Variants in SSBP3 observed in about 807,000 individuals in gnomAD.
The protein encoded by SSBP3 is single-stranded DNA-binding protein 3.
SSBP3 carries 5 observed loss-of-function variants against 69.6 expected under a neutral mutation model. That is an observed-to-expected ratio of 0.07 (90% confidence interval 0.04 to 0.15). SSBP3 has a LOEUF of 0.15. Among genes scored for constraint, SSBP3 ranks in the 10% least tolerant of loss-of-function variants. The pLI is 1.00. For missense variants in SSBP3, 312 were observed against 534.0 expected (o/e 0.58, Z 4.10); for synonymous variants, 196 against 193.4 (o/e 1.01, Z -0.11).
At chr1:54,288,187 G>A (rs556277818) in intron 4 of SSBP3, among the ~76,000 whole-genome samples, 3 of 152,276 alleles carry the variant, frequency 2.0e-5, no homozygotes, top group South Asian at 2.1e-4. Flanking sequence ...ACCCACCACC[G>A]CCTGGGCCTG....
chr1:54,395,034 G>A (rs1648766904), intron 4 of SSBP3, among the ~76,000 whole-genome samples: 1 of 150,960 alleles, frequency 6.6e-6, no homozygotes, highest in African/African-American at 2.4e-5. Context: ...ATTGTATGTG[G>A]GAATCGCCTT....
intron 4 of SSBP3, among the ~76,000 whole-genome samples, chr1:54,289,874 C>G (rs955289523): frequency 2.0e-5 from 3 of 152,126 alleles, no homozygotes; most frequent in Admixed American, 2.0e-4. Flanking sequence ...GGCTCCCCCA[C>G]AGGCGAGGAG....
At chr1:54,296,485 G>A (rs912506907) in intron 4 of SSBP3, among the ~76,000 whole-genome samples, 5 of 152,206 alleles carry the variant, frequency 3.3e-5, no homozygotes, top group African/African-American at 9.7e-5. Flanking sequence ...TGGGCCTTCG[G>A]TAACTTTGAA....
rs372482602 is a variant in SSBP3, at chr1:54,233,422, G to A, written c.928-4596C>T. Among the ~76,000 whole-genome samples the A allele has an allele frequency of 1.9e-3, 290 of 150,412 alleles. 4 individuals are homozygous for A. The South Asian group carries it at 0.026, about 14-fold the overall frequency. Reference sequence around the variant, plus strand: ...TGAGAAGTGAGGAGCCTCTCCGCCCGGCAGCCACCCCATCTGGGAAGTGAG... The same window carrying A: ...TGAGAAGTGAGGAGCCTCTCCGCCCAGCAGCCACCCCATCTGGGAAGTGAG... On this transcript the variant is annotated intron_variant, in intron 14 of 17. Coordinates refer to ENST00000610401, the Ensembl canonical transcript of SSBP3.
At chr1:54,330,205 C>T (rs1011145351) in intron 4 of SSBP3, among the ~76,000 whole-genome samples, 1 of 152,040 alleles carries the variant, frequency 6.6e-6, no homozygotes, top group Non-Finnish European at 1.5e-5. Context: ...CTGGGCCAAA[C>T]TGAAAAAAAC....
At chr1:54,318,143 T>A (rs563707506) in intron 4 of SSBP3, among the ~76,000 whole-genome samples, 2 of 152,264 alleles carry the variant, frequency 1.3e-5, no homozygotes, top group African/African-American at 4.8e-5. Context: ...GTAAAGACTT[T>A]GAACCAAGGC....
At chr1:54,231,842 G>A (rs139941372) in intron 14 of SSBP3, among the ~76,000 whole-genome samples, 2,848 of 152,126 alleles carry the variant, frequency 0.019, 48 homozygotes, top group East Asian at 0.07. Flanking sequence ...CTACAGGTGC[G>A]CGCCACCACA....
intron 4 of SSBP3, among the ~76,000 whole-genome samples, chr1:54,292,076 T>C (rs894805580): frequency 1.3e-5 from 2 of 152,242 alleles, no homozygotes; most frequent in African/African-American, 4.8e-5. Flanking sequence ...TCCAGTGCTC[T>C]AGGAAGCCAA....
intron 4 of SSBP3, among the ~76,000 whole-genome samples, chr1:54,360,950 G>C (rs1056149804): frequency 2.0e-5 from 3 of 151,824 alleles, no homozygotes; most frequent in African/African-American, 7.3e-5. Context: ...GCCAGATGTG[G>C]CAAGGGGTAC....
chr1:54,404,809 G>GT (rs1491348353), intron 2 of SSBP3, 49 bp downstream of exon 2: 8 of 225,520 alleles, frequency 3.5e-5, no homozygotes, highest in Admixed American at 1.1e-4. Flanking sequence ...TAAGAATAGT[G>GT]GGGGGGGGGG....
At chr1:54,232,905 T>C (rs1443841951) in intron 14 of SSBP3, among the ~76,000 whole-genome samples, 2 of 152,072 alleles carry the variant, frequency 1.3e-5, no homozygotes, top group South Asian at 4.1e-4. Flanking sequence ...CAGGCTGGAG[T>C]GCAGTGGCGT....
At chr1:54,404,486 G>A in intron 3 of SSBP3, 90 bp downstream of exon 3, 1 of 1,506,408 alleles carries the variant, frequency 6.6e-7, no homozygotes, top group Non-Finnish European at 9.2e-7. Flanking sequence ...ACAGGGCGGA[G>A]GGCCTGCTCC....
At position 54,258,502 on chromosome 1, in the gene SSBP3, C is replaced by G. The variant is rs1396231815; in HGVS notation, c.367-353G>C. Among the ~76,000 whole-genome samples the G allele has an allele frequency of 6.6e-6, 1 of 152,158 alleles. No individual in the cohort carries two copies. Among genetic ancestry groups the G allele is most frequent in the Non-Finnish European group, 1.5e-5 (1 of 68,028 alleles). On this transcript the variant is annotated intron_variant, in intron 5 of 17. Coordinates refer to ENST00000610401, the Ensembl canonical transcript of SSBP3. This position sits in a 1 kb window ranked among gnomAD's most constrained non-coding sequence, Gnocchi z 4.5. ...GGTTGAGACGGGCTCAGAGGGAGTA[C>G]AATGATGCACAGACACAGGGACCCA...
chr1:54,349,293 C>T lies in SSBP3; in HGVS notation c.276+52568G>A, dbSNP rs796523594. ...CAAGGTAGGCAGGGATATTCCTCTGCTGTTCCCTGCGGCATTCCCAGCACC... is the reference window on the plus strand; with the variant it reads ...CAAGGTAGGCAGGGATATTCCTCTGTTGTTCCCTGCGGCATTCCCAGCACC... On this transcript the variant is annotated intron_variant, in intron 4 of 17. Coordinates refer to ENST00000610401, the Ensembl canonical transcript of SSBP3. 2.3e-4 allele frequency among the ~76,000 whole-genome samples: 35 copies of T among 152,360 alleles called. 1 individual carries two copies. Among genetic ancestry groups the T allele is most frequent in the African/African-American group, 8.2e-4 (34 of 41,584 alleles).
At chr1:54,289,033 A>AC (rs1645550693) in intron 4 of SSBP3, among the ~76,000 whole-genome samples, 2 of 53,338 alleles carry the variant, frequency 3.7e-5, no homozygotes, top group Non-Finnish European at 7.8e-5. Context: ...AAAAAAAAAA[A>AC]AAACAAAAAA....
At chr1:54,383,035 A>AGAAAGAAAGAGAAGGAAGGAAG (rs1275086688) in intron 4 of SSBP3, among the ~76,000 whole-genome samples, 1 of 150,414 alleles carries the variant, frequency 6.6e-6, no homozygotes, top group Non-Finnish European at 1.5e-5. Flanking sequence ...AAGAAAAGAA[A>AGAAAGAAAGAGAAGGAAGGAAG]GAAAGAAAGA....
intron 3 of SSBP3, 22 bp downstream of exon 3, chr1:54,404,554 C>G: frequency 1.9e-6 from 3 of 1,612,688 alleles, no homozygotes; most frequent in Non-Finnish European, 2.5e-6. Flanking sequence ...AACACACATG[C>G]AAAACTATCA....
At chr1:54,311,883 T>C (rs1441504090) in intron 4 of SSBP3, among the ~76,000 whole-genome samples, 6 of 152,154 alleles carry the variant, frequency 3.9e-5, no homozygotes, top group African/African-American at 1.4e-4. Flanking sequence ...TGGGGACTCC[T>C]TGACCATCTA....
intron 13 of SSBP3, among the ~76,000 whole-genome samples, chr1:54,240,382 T>C (rs9792848): frequency 0.64 from 94,743 of 146,900 alleles, 31,291 homozygotes; most frequent in African/African-American, 0.79. Context: ...CGCTTGAGCC[T>C]GGGAGGTGGA....
Sources: allele counts gnomAD v4.1 joint callset (sites outside exome capture counted in the v4.1 genomes callset), GRCh38; gene constraint gnomAD v4.1.1; non-coding constraint Gnocchi (gnomAD v3.1); transcripts MANE v1.5; gene names NCBI Gene and HGNC (gene_info 2026-07-23, HGNC 2026-07-21).